ATP11A: variants seen among roughly 807,000 people sequenced by gnomAD.
ATP11A encodes the protein ATPase phospholipid transporting 11A, also known as phospholipid-transporting ATPase IH.
In ATP11A, 81 loss-of-function variants were observed where a neutral mutation model predicts 154.4. The ratio of observed to expected loss-of-function variants is 0.52; its 90% CI spans 0.44 to 0.63. ATP11A has a LOEUF of 0.63. ATP11A is among the 30% of genes least tolerant of loss of function. The probability of loss-of-function intolerance (pLI) is 0.00; values close to 1 mark genes in which losing one functional copy is unlikely to be tolerated. For missense variants in ATP11A, 1,316 were observed against 1,474.3 expected, an observed-to-expected ratio of 0.89 and a Z score of 1.76; for synonymous variants, 623 against 585.9, an observed-to-expected ratio of 1.06 and a Z score of -0.91.
rs1884997071 is a variant in ATP11A at position 112,690,337 on chromosome 13, A to T, written c.-80A>T. 2 of 1,116,392 alleles carry T rather than the reference A, an allele frequency of 1.8e-6. No homozygotes were observed. The highest frequency in any genetic ancestry group is 1.1e-6 in the Non-Finnish European group (1 of 893,478). The allele number at this position is 1,116,392 out of a possible 1,614,324, so 69.2% of individuals were successfully genotyped here. On this transcript the variant is annotated 5_prime_UTR_variant, in exon 1 of 30. Transcript: ENST00000375645. This position sits in a 1 kb window ranked among gnomAD's most constrained non-coding sequence, Gnocchi z 5.6. ...TGACCGGAGCGGGGGGCGCGGCCGC[A>T]CTAGTACCCCGGAGCCCATGGGCGC...
rs556917897 is a variant in ATP11A, at chr13:112,753,510, C to T, written c.40-31625C>T. Among the ~76,000 whole-genome samples, 29 of 152,324 alleles carry T rather than the reference C, an allele frequency of 1.9e-4. No individual in the cohort carries two copies. The highest frequency in any genetic ancestry group is 6.7e-4 in the African/African-American group (28 of 41,572). ...CCTACCGCTGCTGGATGAGATGCCA[C>T]GTCCTGTTGTGGTTTTATCTTGTAC... On this transcript the variant is annotated intron_variant, in intron 1 of 29. Transcript: ENST00000375645. The surrounding 1 kb of genome is among the most constrained non-coding windows in gnomAD (Gnocchi z 4.1).
rs1015769621 is a variant in ATP11A, at chr13:112,748,906, G to A, written c.40-36229G>A. Among the ~76,000 whole-genome samples, 9 of 152,180 alleles carry A rather than the reference G, an allele frequency of 5.9e-5. No homozygotes were observed. The South Asian group carries it at 6.2e-4, about 10-fold the overall frequency. ...TCATGCCAGTGTCCTTAACACTCGC[G>A]TTTGTTAAAGACAGCCACTGCCGCC... On this transcript the variant is annotated intron_variant, in intron 1 of 29. Coordinates refer to ENST00000375645, the MANE Select transcript of ATP11A (RefSeq NM_015205.3).
rs747152080 is a variant in ATP11A, at chr13:112,819,951, G to A, written c.725+1G>A. On this transcript the variant is annotated splice_donor_variant, in intron 8 of 29. Coordinates refer to ENST00000375645, the MANE Select transcript of ATP11A (RefSeq NM_015205.3). LOFTEE classifies it high-confidence loss of function. Reference sequence around the variant, plus strand: ...GTGACCTGAATGACCCCGTGGTGAGGTGAGTGCCTCTGCGGATGCCTTGGC... The same window carrying A: ...GTGACCTGAATGACCCCGTGGTGAGATGAGTGCCTCTGCGGATGCCTTGGC... The A allele has an allele frequency of 6.2e-7, 1 of 1,600,176 alleles. No individual in the cohort carries two copies. The highest frequency in any genetic ancestry group is 1.1e-5 in the South Asian group (1 of 89,674).
rs1165321844 is a variant in ATP11A, at chr13:112,816,278, G to A, written c.570+67G>A. 8.8e-6 allele frequency: 14 copies of A among 1,595,248 alleles called. No individual in the cohort carries two copies. The East Asian group carries it at 2.0e-4, about 23-fold the overall frequency. On this transcript the variant is annotated intron_variant, in intron 6 of 29. Coordinates refer to ENST00000375645, the MANE Select transcript of ATP11A (RefSeq NM_015205.3). Reference sequence around the variant, plus strand: ...GTCCTGCTTCGGACTGTGCCCATGCGGCCACAGAAACTAACATCCTGTTTG... The same window carrying A: ...GTCCTGCTTCGGACTGTGCCCATGCAGCCACAGAAACTAACATCCTGTTTG...
intron 1 of ATP11A, among the ~76,000 whole-genome samples, chr13:112,736,053 C>G (rs901059117): frequency 6.6e-6 from 1 of 152,080 alleles, no homozygotes; most frequent in African/African-American, 2.4e-5. Flanking sequence ...GTTCGCGTGC[C>G]CAGAGCAGGT....
intron 16 of ATP11A, among the ~76,000 whole-genome samples, chr13:112,840,011 A>G (rs1447384762): frequency 2.0e-5 from 3 of 152,054 alleles, no homozygotes; most frequent in South Asian, 2.1e-4. Context: ...CTGCTTTTCT[A>G]TGCTAAGCAA....
chr13:112,876,636 C>A (rs1290198320), intron 28 of ATP11A, among the ~76,000 whole-genome samples: 2 of 152,252 alleles, frequency 1.3e-5, no homozygotes, highest in African/African-American at 4.8e-5. Context: ...CAAGTTTCAT[C>A]CCCGAAATTT....
intron 4 of ATP11A, among the ~76,000 whole-genome samples, chr13:112,806,900 G>A (rs781437717): frequency 5.3e-5 from 8 of 152,162 alleles, no homozygotes; most frequent in Non-Finnish European, 1.0e-4. Context: ...GCGGTGTTTT[G>A]TGACTGGCTC....
intron 25 of ATP11A, among the ~76,000 whole-genome samples, chr13:112,864,814 G>T (rs372533423): frequency 2.1e-5 from 1 of 46,930 alleles, no homozygotes; most frequent in African/African-American, 9.3e-5. Context: ...CACCACCTGC[G>T]CAGTAATTCA....
At chr13:112,717,867 A>C (rs776931005) in intron 1 of ATP11A, among the ~76,000 whole-genome samples, 1 of 152,256 alleles carries the variant, frequency 6.6e-6, no homozygotes, top group Admixed American at 6.5e-5. Context: ...ACCTGAGGTC[A>C]GGAGTTTGAG....
intron 1 of ATP11A, among the ~76,000 whole-genome samples, chr13:112,756,809 C>T (rs997517658): frequency 7.9e-5 from 12 of 152,004 alleles, no homozygotes; most frequent in Non-Finnish European, 1.6e-4. Flanking sequence ...GGCCTGCTCC[C>T]AGCGAGGGGT....
intron 1 of ATP11A, among the ~76,000 whole-genome samples, chr13:112,772,151 C>T (rs2077240491): frequency 6.6e-6 from 1 of 152,140 alleles, no homozygotes; most frequent in African/African-American, 2.4e-5. Context: ...TGGCAAAGTG[C>T]CCTATGAAAT....
rs538249139 is a variant in ATP11A, at chr13:112,819,964, C to T, written c.725+14C>T. The T allele has an allele frequency of 1.6e-5, 25 of 1,576,078 alleles. No homozygotes were observed. The East Asian group carries it at 2.3e-4, about 15-fold the overall frequency. ...CCCCGTGGTGAGGTGAGTGCCTCTG[C>T]GGATGCCTTGGCCACGGTCACCTCC... On this transcript the variant is annotated intron_variant, in intron 8 of 29. Coordinates refer to ENST00000375645, the MANE Select transcript of ATP11A (RefSeq NM_015205.3).
chr13:112,863,156 C>G (rs1235859228), intron 25 of ATP11A, among the ~76,000 whole-genome samples: 5 of 143,000 alleles, frequency 3.5e-5, no homozygotes, highest in South Asian at 2.2e-4. Flanking sequence ...TTCAGTGCAG[C>G]CCATGCAGCT....
intron 13 of ATP11A, 131 bp downstream of exon 13, chr13:112,831,679 T>G: frequency 4.8e-6 from 5 of 1,050,250 alleles, no homozygotes; most frequent in Non-Finnish European, 7.0e-6. Context: ...GGAGGGATGG[T>G]CAGAAGGTGC....
intron 1 of ATP11A, among the ~76,000 whole-genome samples, chr13:112,694,129 T>G (rs1036311388): frequency 9.2e-5 from 14 of 152,326 alleles, no homozygotes; most frequent in African/African-American, 3.4e-4. Flanking sequence ...GCCTGAATGC[T>G]GAGTGGGAGC....
At chr13:112,724,011 AAAG>A (rs1425192470) in intron 1 of ATP11A, among the ~76,000 whole-genome samples, 5 of 151,864 alleles carry the variant, frequency 3.3e-5, no homozygotes, top group African/African-American at 4.8e-5. Flanking sequence ...ACTTTTAAAT[AAAG>A]AAGATGAGCA....
chr13:112,871,871 T>C, intron 26 of ATP11A, 71 bp downstream of exon 26: 1 of 1,448,948 alleles, frequency 6.9e-7, no homozygotes, highest in Non-Finnish European at 9.7e-7. Flanking sequence ...TCACGCGCTC[T>C]GAGCTCTCTG....
intron 25 of ATP11A, among the ~76,000 whole-genome samples, chr13:112,870,877 T>C (rs2080496265): frequency 6.6e-6 from 1 of 152,130 alleles, no homozygotes; most frequent in Non-Finnish European, 1.5e-5. Flanking sequence ...CCTCGTGCGG[T>C]AGAGAGGCGT....
Sources: gnomAD v4.1 joint callset for allele counts (sites outside exome capture counted in the v4.1 genomes callset) on GRCh38, gnomAD v4.1.1 for gene constraint, Gnocchi (gnomAD v3.1) non-coding constraint, MANE v1.5 for transcripts, NCBI Gene and HGNC (gene_info 2026-07-23, HGNC 2026-07-21) for gene names.